Variants in DBT observed in about 807,000 individuals in gnomAD.
The protein encoded by DBT is lipoamide acyltransferase component of branched-chain alpha-keto acid dehydrogenase complex, mitochondrial.
A neutral mutation model predicts 51.3 loss-of-function variants in DBT; 40 were observed. That is an observed-to-expected ratio of 0.78 (90% CI 0.61 to 1.02). DBT has a LOEUF of 1.02. Among genes scored for constraint, DBT ranks in the 50% least tolerant of loss-of-function variants. The pLI is 0.00. For synonymous variants in DBT, 181 were observed against 190.4 expected (o/e 0.95, Z 0.41); for missense variants, 510 against 580.2 (o/e 0.88, Z 1.24).
intron 3 of DBT, among the ~76,000 whole-genome samples, chr1:100,232,021 A>G (rs1349317188): frequency 1.3e-5 from 2 of 152,208 alleles, no homozygotes; most frequent in Non-Finnish European, 2.9e-5. Context: ...TTTCAACTTT[A>G]TGATGGTGTA....
At position 100,188,118 on chromosome 1, in the gene DBT, C is replaced by G. The variant is rs772036147; in HGVS notation, c.*8137G>C. ...TCTTATGCCAGCAACACAATGGGAT[C>G]GAGGCCAGGTTCTTGTGCAATTTGT... On this transcript the variant is annotated 3_prime_UTR_variant, in exon 11 of 11. Transcript: ENST00000370132. 2 of 152,222 alleles carry G rather than the reference C, an allele frequency of 1.3e-5. No homozygotes were observed. The highest frequency in any genetic ancestry group is 4.8e-5 in the African/African-American group (2 of 41,458). The allele number at this position is 152,222 out of a possible 1,614,324, so 9.4% of individuals were successfully genotyped here. A position where few individuals can be genotyped will look rare whatever the true frequency, so the allele number is the denominator to read the frequency against.
intron 2 of DBT, among the ~76,000 whole-genome samples, chr1:100,237,750 C>T (rs1663969811): frequency 6.6e-6 from 1 of 152,064 alleles, no homozygotes; most frequent in Admixed American, 6.6e-5. Flanking sequence ...GATCCTCCCA[C>T]CTCAGCTAGG....
chr1:100,222,130 C>A (rs1435858382), intron 4 of DBT, among the ~76,000 whole-genome samples: 1 of 152,150 alleles, frequency 6.6e-6, no homozygotes, highest in Non-Finnish European at 1.5e-5. Context: ...ATTTAATCTA[C>A]AATAGGCTAT....
In DBT at chr1:100,189,657, G is replaced by C. The variant is rs1043580616; in HGVS notation, c.*6598C>G. ...AAGGAGTTAAAGATCACCCATTCAA[G>C]AAGTTTGGCAGAAGGAGCAAGACAG... On this transcript the variant is annotated 3_prime_UTR_variant, in exon 11 of 11. Coordinates refer to ENST00000370132, the MANE Select transcript of DBT (RefSeq NM_001918.5). 6.6e-6 allele frequency: 1 copy of C among 152,172 alleles called. No homozygotes were observed. The highest frequency in any genetic ancestry group is 2.4e-5 in the African/African-American group (1 of 41,444). The allele number at this position is 152,172 out of a possible 1,614,324, so 9.4% of individuals were successfully genotyped here.
At position 100,206,212 on chromosome 1, in the gene DBT, G is replaced by A; in HGVS notation, c.1281+18C>T. ...GAATTTGCTTAAACTCCATTTTTCA[G>A]TTATCTAATACATGTACCTTAATTG... On this transcript the variant is annotated intron_variant, in intron 10 of 10. Coordinates refer to ENST00000370132, the MANE Select transcript of DBT (RefSeq NM_001918.5). 1 of 1,581,562 alleles carries A rather than the reference G, an allele frequency of 6.3e-7. No individual in the cohort carries two copies. Among genetic ancestry groups the A allele is most frequent in the Non-Finnish European group, 8.7e-7 (1 of 1,153,218 alleles).
chr1:100,240,679 A>C, intron 2 of DBT, 82 bp downstream of exon 2: 1 of 1,165,126 alleles, frequency 8.6e-7, no homozygotes, highest in East Asian at 2.4e-5. Context: ...TTGTTTAAAA[A>C]GTCTCAATCA....
rs989770545 is a variant in DBT, at chr1:100,235,545, T to C, written c.176-34A>G. The C allele has an allele frequency of 4.4e-6, 5 of 1,127,926 alleles. No individual in the cohort carries two copies. The African/African-American group carries it at 7.6e-5, about 17-fold the overall frequency. 69.9% of individuals were successfully genotyped at this position (1,127,926 alleles called of 1,614,324 possible). ...ACAAATGAGAAATGATCTCATTAAG[T>C]ATATAACATATTACTAATATATACT... On this transcript the variant is annotated intron_variant, in intron 2 of 10. Coordinates refer to ENST00000370132, the MANE Select transcript of DBT (RefSeq NM_001918.5).
At chr1:100,223,841 A>T (rs1018009989) in intron 4 of DBT, among the ~76,000 whole-genome samples, 4 of 152,166 alleles carry the variant, frequency 2.6e-5, no homozygotes, top group African/African-American at 9.7e-5. Context: ...TGTTAAGTAA[A>T]AAAAAAAATT....
At chr1:100,243,034 G>A (rs1664312535) in intron 1 of DBT, among the ~76,000 whole-genome samples, 1 of 152,012 alleles carries the variant, frequency 6.6e-6, no homozygotes, top group Non-Finnish European at 1.5e-5. Flanking sequence ...GGGAGGCTGA[G>A]GTGAGTGGAT....
At chr1:100,225,826 CAAAAA>C (rs71084809) in intron 4 of DBT, among the ~76,000 whole-genome samples, 32 of 86,900 alleles carry the variant, frequency 3.7e-4, no homozygotes, top group African/African-American at 1.5e-3. Context: ...CTCCATCTCA[CAAAAA>C]AAAAAAAAAA....
Position 100,191,441 on chromosome 1 carries a change from CCATGT to C in DBT, c.*4809_*4813del, listed in dbSNP as rs746062145. The C allele has an allele frequency of 2.9e-4, 44 of 152,144 alleles. No individual in the cohort carries two copies. Among genetic ancestry groups the C allele is most frequent in the Admixed American group, 2.1e-3 (32 of 15,286 alleles). 9.4% of individuals were successfully genotyped at this position (152,144 alleles called of 1,614,324 possible). A position where few individuals can be genotyped will look rare whatever the true frequency, so the allele number is the denominator to read the frequency against. ...ACTGCCACCTCAGCTTCCTCTCTAT[CCATGT>C]CATTAAAGAACTCTCTTAGAAAAAT... On this transcript the variant is annotated 3_prime_UTR_variant, in exon 11 of 11. Transcript: ENST00000370132.
intron 1 of DBT, chr1:100,249,193 A>T (rs1195563161): frequency 4.7e-6 from 3 of 641,254 alleles, no homozygotes; most frequent in Non-Finnish European, 5.9e-6. Flanking sequence ...GGAGAAAGAG[A>T]AGGAAGTGCA....
At chr1:100,235,640 A>G in intron 2 of DBT, 129 bp from the exon 3 acceptor site, 1 of 585,834 alleles carries the variant, frequency 1.7e-6, no homozygotes, top group Non-Finnish European at 3.1e-6. Context: ...ACAGAAAAAC[A>G]GCATTTTATA....
At chr1:100,227,328 A>G (rs1663279992) in intron 4 of DBT, among the ~76,000 whole-genome samples, 2 of 152,242 alleles carry the variant, frequency 1.3e-5, no homozygotes, top group African/African-American at 2.4e-5. Context: ...GGAACTCCTT[A>G]CTTCGAGAAC....
At chr1:100,201,735 T>G (rs550517212) in intron 10 of DBT, among the ~76,000 whole-genome samples, 1 of 151,924 alleles carries the variant, frequency 6.6e-6, no homozygotes, top group South Asian at 2.1e-4. Context: ...GCCAGAAGAG[T>G]GTGGGGGCCA....
intron 6 of DBT, 29 bp downstream of exon 6, chr1:100,215,954 C>T (rs1662450558): frequency 1.6e-6 from 2 of 1,281,460 alleles, no homozygotes; most frequent in Non-Finnish European, 2.3e-6. Context: ...TGAACTATTG[C>T]CTTATAGTAT....
intron 1 of DBT, among the ~76,000 whole-genome samples, chr1:100,245,015 G>A (rs1417817560): frequency 6.6e-6 from 1 of 152,058 alleles, no homozygotes; most frequent in Middle Eastern, 3.2e-3. Flanking sequence ...TGAGGAGAAG[G>A]CTAAAAACAC....
rs2100834832 is a variant in DBT at position 100,235,462 on chromosome 1, C to T, written c.225G>A (p.Gly75=). ...VQFKLSDIGE[G]IREVTVKEWY... The stretch of plus-strand genomic sequence containing the variant: ...ATTCTTTAACAGTTACTTCTCTAAT[C>T]CCTTCTCCAATGTCTGAGAGCTTGA... The change falls in exon 3 of 11, where the codon GGG becomes GGA. Residue 75 remains glycine (G), a synonymous_variant. Coordinates refer to ENST00000370132, the MANE Select transcript of DBT (RefSeq NM_001918.5). 1 of 1,587,760 alleles carries T rather than the reference C, an allele frequency of 6.3e-7. No homozygotes were observed. Among genetic ancestry groups the T allele is most frequent in the Non-Finnish European group, 8.6e-7 (1 of 1,157,518 alleles).
chr1:100,242,507 A>T (rs562464087), intron 1 of DBT, among the ~76,000 whole-genome samples: 23 of 152,202 alleles, frequency 1.5e-4, no homozygotes, highest in Non-Finnish European at 2.9e-4. Context: ...AACTTTAGAG[A>T]TCACCCTAAA....
Sources: gnomAD v4.1 joint callset for allele counts (sites outside exome capture counted in the v4.1 genomes callset) on GRCh38, gnomAD v4.1.1 for gene constraint, MANE v1.5 for transcripts, NCBI Gene and HGNC (gene_info 2026-07-23, HGNC 2026-07-21) for gene names.